Variants in ANKS1B observed in about 807,000 individuals in gnomAD.
ANKS1B encodes the protein ankyrin repeat and sterile alpha motif domain-containing protein 1B.
In ANKS1B, 36 loss-of-function variants were observed where a neutral mutation model predicts 148.3. The ratio of observed to expected loss-of-function variants is 0.24; its 90% CI spans 0.19 to 0.32. The LOEUF (loss-of-function observed/expected upper bound fraction) is 0.32, where lower values mean the gene tolerates loss of function less well. ANKS1B is among the 10% of genes least tolerant of loss of function. The pLI, the probability that ANKS1B is intolerant of heterozygous loss-of-function variation, is 1.00. For synonymous variants in ANKS1B, 542 were observed against 560.8 expected (o/e 0.97, Z 0.47); for missense variants, 1,157 against 1,542.6 (o/e 0.75, Z 4.19).
chr12:99,703,429 A>C (rs941522839), intron 8 of ANKS1B, among the ~76,000 whole-genome samples: 16 of 152,138 alleles, frequency 1.1e-4, no homozygotes, highest in African/African-American at 3.9e-4. Flanking sequence ...CTTCTCAAAA[A>C]TGTTTTTATA....
At chr12:99,453,283 C>G (rs1400520862) in intron 10 of ANKS1B, among the ~76,000 whole-genome samples, 1 of 151,770 alleles carries the variant, frequency 6.6e-6, no homozygotes, top group East Asian at 1.9e-4. Context: ...GAGCGAGAGT[C>G]CGTCTCAAAT....
chr12:99,403,061 C>G (rs1254559040), intron 11 of ANKS1B, among the ~76,000 whole-genome samples: 1 of 142,422 alleles, frequency 7.0e-6, no homozygotes, highest in Non-Finnish European at 1.5e-5. Flanking sequence ...TTGAATTACT[C>G]TAATGATCAA....
At chr12:99,603,980 A>G (rs1244496384) in intron 9 of ANKS1B, among the ~76,000 whole-genome samples, 1 of 152,246 alleles carries the variant, frequency 6.6e-6, no homozygotes, top group Non-Finnish European at 1.5e-5. Flanking sequence ...AGAAACCTGT[A>G]CTTGTCAGAG....
At chr12:98,954,943 C>T (rs2099859919) in intron 17 of ANKS1B, among the ~76,000 whole-genome samples, 1 of 152,012 alleles carries the variant, frequency 6.6e-6, no homozygotes, top group Non-Finnish European at 1.5e-5. Context: ...GCCCACCCTC[C>T]ATTTCTTTAT....
intron 26 of ANKS1B, among the ~76,000 whole-genome samples, chr12:98,746,700 G>A (rs1049026302): frequency 2.0e-5 from 3 of 152,132 alleles, no homozygotes; most frequent in Non-Finnish European, 2.9e-5. Context: ...TGGCAACCCC[G>A]TAAATAATAG....
In ANKS1B at chr12:99,907,812, T is replaced by TAAAA. The variant is rs751468199; in HGVS notation, c.134+76288_134+76291dup. ...GTTTTCTCCTCTCCAGAGAAATTCT[T>TAAAA]AAAAAAAAAAAAAAAAAAAAAAAAA... is the stretch of plus-strand genomic sequence containing the variant. On this transcript the variant is annotated intron_variant, in intron 1 of 26. Transcript: ENST00000683438. Among the ~76,000 whole-genome samples the TAAAA allele has an allele frequency of 1.2e-3, 121 of 100,150 alleles. 1 individual carries two copies. The highest frequency in any genetic ancestry group is 4.2e-3 in the African/African-American group (112 of 26,394). The allele number at this position is 100,150 out of a possible 152,430, so 65.7% of individuals were successfully genotyped here.
At chr12:99,775,047 G>A (rs2063530687) in intron 7 of ANKS1B, among the ~76,000 whole-genome samples, 1 of 151,914 alleles carries the variant, frequency 6.6e-6, no homozygotes, top group South Asian at 2.1e-4. Flanking sequence ...TCAGTTATGG[G>A]GGATTAATAA....
chr12:99,547,229 T>G (rs148133645), intron 9 of ANKS1B, among the ~76,000 whole-genome samples: 61 of 152,272 alleles, frequency 4.0e-4, no homozygotes, highest in Admixed American at 1.6e-3. Context: ...CACACAACTT[T>G]GTACAATAAT....
chr12:99,666,897 G>A (rs1007610828), intron 8 of ANKS1B, among the ~76,000 whole-genome samples: 1 of 120,076 alleles, frequency 8.3e-6, no homozygotes, highest in African/African-American at 3.1e-5. Flanking sequence ...TGTGTGTGTG[G>A]TGAGGACACT....
intron 12 of ANKS1B, among the ~76,000 whole-genome samples, chr12:99,303,492 A>G (rs2081951088): frequency 1.3e-5 from 2 of 152,148 alleles, no homozygotes; most frequent in Non-Finnish European, 1.5e-5. Context: ...TCAGTGGTGA[A>G]TCAGAAAAGG....
intron 16 of ANKS1B, among the ~76,000 whole-genome samples, chr12:99,072,870 T>G (rs1051439237): frequency 6.6e-6 from 1 of 152,234 alleles, no homozygotes; most frequent in Non-Finnish European, 1.5e-5. Flanking sequence ...TTGTAAGTCT[T>G]GCTTCCTAAC....
chr12:99,521,518 G>A (rs921143245), intron 9 of ANKS1B, among the ~76,000 whole-genome samples: 4 of 152,092 alleles, frequency 2.6e-5, no homozygotes, highest in African/African-American at 9.7e-5. Flanking sequence ...AGGCTTGTTT[G>A]TGCCTGTCCT....
intron 17 of ANKS1B, among the ~76,000 whole-genome samples, chr12:98,926,250 T>C (rs1158524475): frequency 6.6e-6 from 1 of 152,154 alleles, no homozygotes; most frequent in Non-Finnish European, 1.5e-5. Context: ...CTCAAGGCAT[T>C]TAAGGAAATC....
At chr12:98,789,533 T>A (rs12424425) in intron 22 of ANKS1B, among the ~76,000 whole-genome samples, 6,261 of 152,110 alleles carry the variant, frequency 0.041, 189 homozygotes, top group East Asian at 0.13. Flanking sequence ...GGGAGTGTAA[T>A]CTGGAAGAAG....
At chr12:98,904,654 A>G (rs912335143) in intron 17 of ANKS1B, among the ~76,000 whole-genome samples, 4 of 152,302 alleles carry the variant, frequency 2.6e-5, no homozygotes, top group Admixed American at 1.3e-4. Flanking sequence ...GGATCCAGAG[A>G]ACTCAGCACG....
At chr12:99,366,776 G>A (rs774508624) in intron 12 of ANKS1B, among the ~76,000 whole-genome samples, 6 of 152,104 alleles carry the variant, frequency 3.9e-5, no homozygotes, top group Non-Finnish European at 7.4e-5. Context: ...TCCTAAGAGT[G>A]AGGGAGCCTT....
chr12:99,297,259 AT>A (rs879489343), intron 12 of ANKS1B, among the ~76,000 whole-genome samples: 2 of 152,158 alleles, frequency 1.3e-5, no homozygotes, highest in Non-Finnish European at 2.9e-5. Flanking sequence ...AACATACTTC[AT>A]TTTTGTCCTT....
intron 1 of ANKS1B, among the ~76,000 whole-genome samples, chr12:99,831,886 A>G (rs1290820688): frequency 6.6e-6 from 1 of 152,196 alleles, no homozygotes; most frequent in Non-Finnish European, 1.5e-5. Context: ...AAAATCTCAC[A>G]ACAAAATGGA....
In ANKS1B at chr12:99,033,780, T is replaced by C. The variant is rs565744349; in HGVS notation, c.2778+19377A>G. On this transcript the variant is annotated intron_variant, in intron 17 of 26. Coordinates refer to ENST00000683438, the MANE Select transcript of ANKS1B (RefSeq NM_001352186.2). ...TCAGAGCAAAATAAGACTCCTATGG[T>C]TGACTATCTTCAGATTACACCCTTT... 2.0e-5 allele frequency among the ~76,000 whole-genome samples: 3 copies of C among 152,360 alleles called. No homozygotes were observed. In the East Asian group the frequency reaches 5.8e-4, roughly 29 times the overall value.
Sources: gnomAD v4.1 joint callset for allele counts (sites outside exome capture counted in the v4.1 genomes callset) on GRCh38, gnomAD v4.1.1 for gene constraint, MANE v1.5 for transcripts, NCBI Gene and HGNC (gene_info 2026-07-23, HGNC 2026-07-21) for gene names.